The following PCDHA2 variants were observed in gnomAD, a reference collection of about 807,000 sequenced individuals.
The protein encoded by PCDHA2 is protocadherin alpha-2.
In PCDHA2, 58 loss-of-function variants were observed where a neutral mutation model predicts 66.0. The ratio of observed to expected loss-of-function variants is 0.88; its 90% CI spans 0.71 to 1.09. PCDHA2 has a LOEUF of 1.09. Among genes scored for constraint, PCDHA2 ranks in the 50% least tolerant of loss-of-function variants. PCDHA2 has a pLI of 0.00. For synonymous variants in PCDHA2, 634 were observed against 554.0 expected, an observed-to-expected ratio of 1.14 and a Z score of -2.03; for missense variants, 1,267 against 1,242.3, an observed-to-expected ratio of 1.02 and a Z score of -0.30.
At chr5:140,910,479 A>G (rs2075041093) in intron 1 of PCDHA2, among the ~76,000 whole-genome samples, 1 of 152,212 alleles carries the variant, frequency 6.6e-6, no homozygotes. Context: ...AAAATCTGGC[A>G]TACAGAGAAG....
intron 1 of PCDHA2, chr5:140,863,483 G>A: frequency 4.3e-6 from 2 of 464,772 alleles, no homozygotes; most frequent in Non-Finnish European, 8.6e-6. Context: ...CGCCTCCCAA[G>A]GTCAACATTA....
chr5:140,928,798 G>A lies in PCDHA2; in HGVS notation c.2389-50151G>A, dbSNP rs1015507486. On this transcript the variant is annotated intron_variant, in intron 1 of 3. Transcript: ENST00000526136. ...TGATGCAGTTAAGCAGAGGGTGGTGGTAGTGGTTCGGGACCATGGAGACCC... is the reference window on the plus strand; with the variant it reads ...TGATGCAGTTAAGCAGAGGGTGGTGATAGTGGTTCGGGACCATGGAGACCC... 2.4e-5 allele frequency: 38 copies of A among 1,614,046 alleles called. No homozygotes were observed. Among genetic ancestry groups the A allele is most frequent in the Non-Finnish European group, 3.2e-5 (38 of 1,180,052 alleles).
At chr5:140,918,573 C>CT (rs1392285106) in intron 1 of PCDHA2, among the ~76,000 whole-genome samples, 1 of 152,154 alleles carries the variant, frequency 6.6e-6, no homozygotes, top group Non-Finnish European at 1.5e-5. Context: ...TATTATGCTG[C>CT]TATTGGCTAT....
chr5:140,799,634 A>G lies in PCDHA2; in HGVS notation c.2388+2282A>G, dbSNP rs541358292. ...ATCTTGCTTGAAAAAGTTAATTCAA[A>G]ATATTAATTTATTTATTCATGAAAA... On this transcript the variant is annotated intron_variant, in intron 1 of 3. Coordinates refer to ENST00000526136, the MANE Select transcript of PCDHA2 (RefSeq NM_018905.3). 9.2e-5 allele frequency among the ~76,000 whole-genome samples: 14 copies of G among 152,184 alleles called. No homozygotes were observed. The East Asian group carries it at 2.5e-3, about 27-fold the overall frequency.
intron 1 of PCDHA2, chr5:140,854,061 C>T: frequency 3.6e-6 from 1 of 279,894 alleles, no homozygotes; most frequent in Non-Finnish European, 5.4e-6. Flanking sequence ...ACTCAGGAGG[C>T]TGAGGCGAGA....
At chr5:140,832,436 T>G in intron 1 of PCDHA2, among the ~76,000 whole-genome samples, 1 of 152,222 alleles carries the variant, frequency 6.6e-6, no homozygotes, top group South Asian at 2.1e-4. Context: ...TGATAATTTT[T>G]AAGCGTGTAA....
At chr5:140,836,251 G>T (rs1183967538) in intron 1 of PCDHA2, 39 of 1,613,668 alleles carry the variant, frequency 2.4e-5, no homozygotes, top group Middle Eastern at 3.3e-4. Context: ...ATCCCGTTCC[G>T]CGTGGGGCTG....
At chr5:140,836,174 T>A in intron 1 of PCDHA2, 3 of 1,613,798 alleles carry the variant, frequency 1.9e-6, no homozygotes, top group Non-Finnish European at 2.5e-6. Context: ...TACGTGCAGT[T>A]GACGCTGACT....
intron 1 of PCDHA2, chr5:140,852,112 T>C: frequency 1.1e-6 from 1 of 910,156 alleles, no homozygotes; most frequent in Non-Finnish European, 1.3e-6. Flanking sequence ...TTACAAGGTA[T>C]GACCTAATTA....
At chr5:140,933,848 C>T (rs1176922942) in intron 1 of PCDHA2, among the ~76,000 whole-genome samples, 6 of 151,862 alleles carry the variant, frequency 4.0e-5, no homozygotes, top group African/African-American at 1.5e-4. Context: ...ATTCCTGTAC[C>T]TTTAATTTTT....
chr5:140,851,923 T>G, intron 1 of PCDHA2: 1 of 967,860 alleles, frequency 1.0e-6, no homozygotes, highest in Non-Finnish European at 1.2e-6. Flanking sequence ...CATGTTATGT[T>G]TCCTGAATTG....
At chr5:140,850,606 T>G (rs2150490821) in intron 1 of PCDHA2, 6 of 1,598,534 alleles carry the variant, frequency 3.8e-6, no homozygotes, top group Non-Finnish European at 5.1e-6. Flanking sequence ...ATCATCGCCA[T>G]CTGCGCGGTG....
At chr5:140,959,230 A>C (rs776449475) in intron 1 of PCDHA2, among the ~76,000 whole-genome samples, 13 of 152,092 alleles carry the variant, frequency 8.5e-5, no homozygotes, top group Non-Finnish European at 1.0e-4. Context: ...TACAAAAATT[A>C]TCTGGGCATG....
chr5:140,856,367 G>C, intron 1 of PCDHA2: 1 of 1,598,612 alleles, frequency 6.3e-7, no homozygotes, highest in Non-Finnish European at 8.6e-7. Context: ...CCACCTGGAG[G>C]TGATCGTGGA....
chr5:140,802,795 T>G, intron 1 of PCDHA2: 3 of 1,613,422 alleles, frequency 1.9e-6, no homozygotes, highest in Middle Eastern at 1.7e-4. Context: ...CTGCTGCAGT[T>G]CCAGGTGAGT....
intron 1 of PCDHA2, chr5:140,967,191 A>G (rs781981464): frequency 6.2e-7 from 1 of 1,613,532 alleles, no homozygotes; most frequent in Non-Finnish European, 8.5e-7. Flanking sequence ...TTGGACATCA[A>G]CGACAACTCA....
At position 140,822,821 on chromosome 5, in the gene PCDHA2, T is replaced by C. The variant is rs2150119660; in HGVS notation, c.2388+25469T>C. On this transcript the variant is annotated intron_variant, in intron 1 of 3. Coordinates refer to ENST00000526136, the MANE Select transcript of PCDHA2 (RefSeq NM_018905.3). ...GATGTGAATGATAATACCCCAGAGATGGCCATAACCACCCTTTTCCTGCCT... is the reference window on the plus strand; with the variant it reads ...GATGTGAATGATAATACCCCAGAGACGGCCATAACCACCCTTTTCCTGCCT... 4.3e-6 allele frequency: 7 copies of C among 1,614,038 alleles called. No homozygotes were observed. In the African/African-American group the frequency reaches 5.3e-5, roughly 12 times the overall value.
chr5:140,806,159 T>TG (rs1763693591), intron 1 of PCDHA2, among the ~76,000 whole-genome samples: 1 of 152,142 alleles, frequency 6.6e-6, no homozygotes. Flanking sequence ...GGTTATAAAA[T>TG]GGGGTAAATT....
intron 1 of PCDHA2, among the ~76,000 whole-genome samples, chr5:140,826,609 C>T (rs2150144394): frequency 6.6e-6 from 1 of 151,782 alleles, no homozygotes; most frequent in Non-Finnish European, 1.5e-5. Flanking sequence ...AAATTAAGGG[C>T]GAAGTTGATA....
Sources: allele counts gnomAD v4.1 joint callset (sites outside exome capture counted in the v4.1 genomes callset), GRCh38; gene constraint gnomAD v4.1.1; transcripts MANE v1.5; gene names NCBI Gene and HGNC (gene_info 2026-07-23, HGNC 2026-07-21).